SAMD9: variants seen among roughly 807,000 people sequenced by gnomAD.
SAMD9 encodes the protein sterile alpha motif domain containing 9.
In SAMD9, 3 loss-of-function variants were observed where a neutral mutation model predicts 1.5. The observed-to-expected ratio is 2.05, with a 90% CI of 0.93 to 5.29. The LOEUF (loss-of-function observed/expected upper bound fraction) is 5.29. Ranked by LOEUF, SAMD9 falls within the 30% of genes most tolerant of loss-of-function variation. The pLI, the probability that SAMD9 is intolerant of heterozygous loss-of-function variation, is 0.02. For synonymous variants in SAMD9, 635 were observed against 631.9 expected, an observed-to-expected ratio of 1.00 and a Z score of -0.07; for missense variants, 1,597 against 1,820.8, an observed-to-expected ratio of 0.88 and a Z score of 2.24.
chr7:93,113,573 C>A (rs866763670), intron 2 of SAMD9, among the ~76,000 whole-genome samples: 5 of 152,134 alleles, frequency 3.3e-5, no homozygotes, highest in African/African-American at 1.2e-4. Context: ...GGGCTAATAT[C>A]CGGAATCTAT....
rs758821945 is a variant in SAMD9, at chr7:93,103,587, T to C, written c.2511A>G (p.Arg837=). ...TTGCACTTTTTTCAGGATTTTGTGATCTCATACAATTTAGGATAATCACCA... is the reference window on the plus strand; with the variant it reads ...TTGCACTTTTTTCAGGATTTTGTGACCTCATACAATTTAGGATAATCACCA... ...KPLVIILNCM[R]SQNPEKSARI... is the part of the protein sequence containing the mutation. Residue 837 remains arginine, a synonymous_variant, in exon 3 of 3, where the codon AGA becomes AGG. Coordinates refer to ENST00000379958, the MANE Select transcript of SAMD9 (RefSeq NM_017654.4). 3 of 1,613,426 alleles carry C rather than the reference T, an allele frequency of 1.9e-6. No homozygotes were observed. The highest frequency in any genetic ancestry group is 1.3e-5 in the African/African-American group (1 of 74,992).
In SAMD9 at chr7:93,101,530, A is replaced by G. The variant is rs1791527792; in HGVS notation, c.4568T>C (p.Val1523Ala). The G allele has an allele frequency of 1.9e-6, 3 of 1,613,786 alleles. No individual in the cohort carries two copies. In the East Asian group the frequency reaches 6.7e-5, roughly 36 times the overall value. ...QSGDVWKEEK[V>A]QELLLRLQGR... ...TTGTAAACGAAGCAAAAGTTCTTGGACTTTTTCCTCCTTCCACACATCTCC... is the reference window on the plus strand; with the variant it reads ...TTGTAAACGAAGCAAAAGTTCTTGGGCTTTTTCCTCCTTCCACACATCTCC... Residue 1523 changes from valine (V) to alanine (A), a missense_variant, in exon 3 of 3, where the codon GTC (valine) becomes GCC (alanine). Val to Ala is a moderately conservative substitution (Grantham distance 64, BLOSUM62 0). This residue lies in a region of SAMD9 where 682 missense variants were observed against 810.0 expected (regional missense o/e 0.84). Transcript: ENST00000379958.
Position 93,104,442 on chromosome 7 carries a change from T to G in SAMD9, c.1656A>C (p.Pro552=). The G allele has an allele frequency of 6.2e-7, 1 of 1,613,988 alleles. No homozygotes were observed. The highest frequency in any genetic ancestry group is 8.5e-7 in the Non-Finnish European group (1 of 1,179,866). The change falls in exon 3 of 3, where the codon CCA becomes CCC. Residue 552 remains proline, a synonymous_variant. Transcript: ENST00000379958. The part of the protein sequence containing the change: ...VFLLLSSVDD[P]RDPLIETFCA... ...AGAAAGTCTCAATGAGGGGATCTCT[T>G]GGGTCATCCACAGAGGACAGTAATA...
rs751349091 is a variant in SAMD9 at position 93,104,371 on chromosome 7, A to G, written c.1727T>C (p.Ile576Thr). The G allele has an allele frequency of 5.0e-6, 8 of 1,613,932 alleles. No individual in the cohort carries two copies. In the South Asian group the frequency reaches 8.8e-5, roughly 18 times the overall value. Residue 576 changes from isoleucine to threonine, a missense_variant, in exon 3 of 3, where the codon ATT becomes ACT. Physicochemically the swap from Ile to Thr is moderately conservative, Grantham distance 89 (BLOSUM62 -1). Coordinates refer to ENST00000379958, the MANE Select transcript of SAMD9 (RefSeq NM_017654.4). ...CTGAAATATGTGTGGGTGCACACAA[A>G]TACACAGTATATTTTCCATTCCTTT... ...DLKGMENILC[I>T]CVHPHIFQGW...
At position 93,104,348 on chromosome 7, in the gene SAMD9, G is replaced by C; in HGVS notation, c.1750C>G (p.Gln584Glu). The C allele has an allele frequency of 6.2e-7, 1 of 1,613,768 alleles. No individual in the cohort carries two copies. Among genetic ancestry groups the C allele is most frequent in the African/African-American group, 1.3e-5 (1 of 75,028 alleles). Residue 584 changes from glutamine to glutamate, a missense_variant, in exon 3 of 3, where the codon CAG becomes GAG. Gln to Glu is a conservative substitution (Grantham distance 29). Around this residue, in one of 6 missense-constraint regions of SAMD9, gnomAD observed 358 missense variants for 460.4 expected, o/e 0.78. Transcript: ENST00000379958. ...LCICVHPHIF[Q>E]GWKDLLEARL... ...GCTTCAAGTAGATCTTTCCATCCCT[G>C]AAATATGTGTGGGTGCACACAAATA...
intron 2 of SAMD9, among the ~76,000 whole-genome samples, chr7:93,112,492 G>C (rs957936173): frequency 6.6e-6 from 1 of 152,138 alleles, no homozygotes; most frequent in African/African-American, 2.4e-5. Context: ...AGAGTATTCA[G>C]TTAGGAAAAG....
chr7:93,103,965 A>T lies in SAMD9; in HGVS notation c.2133T>A (p.Tyr711Ter). 6.2e-7 allele frequency: 1 copy of T among 1,613,346 alleles called. No homozygotes were observed. Among genetic ancestry groups the T allele is most frequent in the Non-Finnish European group, 8.5e-7 (1 of 1,179,490 alleles). ...TTTGAATCATTGCTTCAAGTCTTTC[A>T]TATTTATCCCTTTTGACAAAAGGTG... ...YSSPFVKRDKYERLEAMIQNC... is the reference protein window; with the variant it reads ...YSSPFVKRDK Residue 711 changes from tyrosine to a stop codon, truncating the protein, a stop_gained, in exon 3 of 3, where the codon TAT becomes TAA. Transcript: ENST00000379958. LOFTEE classifies it low-confidence loss of function (END_TRUNC).
Position 93,102,852 on chromosome 7 carries a change from T to C in SAMD9, c.3246A>G (p.Ala1082=). ...LESIHRFNPN[A]FICQALARHF... ...GTCTTGCCAACGCTTGGCAAATGAA[T>C]GCATTTGGGTTGAACCGATGGATAC... The change falls in exon 3 of 3, where the codon GCA becomes GCG. Residue 1082 remains alanine, a synonymous_variant. Coordinates refer to ENST00000379958, the MANE Select transcript of SAMD9 (RefSeq NM_017654.4). 1 of 1,613,876 alleles carries C rather than the reference T, an allele frequency of 6.2e-7. No homozygotes were observed. The highest frequency in any genetic ancestry group is 8.5e-7 in the Non-Finnish European group (1 of 1,179,802).
chr7:93,107,666 T>C (rs1791668624), intron 2 of SAMD9, among the ~76,000 whole-genome samples: 1 of 152,180 alleles, frequency 6.6e-6, no homozygotes, highest in Non-Finnish European at 1.5e-5. Flanking sequence ...AATATTGTTT[T>C]CTAGTGGCAG....
At position 93,104,886 on chromosome 7, in the gene SAMD9, C is replaced by A. The variant is rs765279964; in HGVS notation, c.1212G>T (p.Leu404Phe). 7 of 1,612,796 alleles carry A rather than the reference C, an allele frequency of 4.3e-6. No homozygotes were observed. The highest frequency in any genetic ancestry group is 8.5e-7 in the Non-Finnish European group (1 of 1,179,312). Residue 404 changes from leucine (L) to phenylalanine (F), a missense_variant, in exon 3 of 3, where the codon TTG becomes TTT. Around this residue, in one of 6 missense-constraint regions of SAMD9, gnomAD observed 358 missense variants for 460.4 expected, o/e 0.78. Coordinates refer to ENST00000379958, the MANE Select transcript of SAMD9 (RefSeq NM_017654.4). Reference protein sequence around the residue: ...LVKLLTGNQDLLDNSYYEQYI... With the variant: ...LVKLLTGNQDFLDNSYYEQYI... ...ACTGTTCATAGTATGAATTATCTAA[C>A]AAATCTTGATTTCCTGTCAATAATT...
intron 2 of SAMD9, 41 bp downstream of exon 2, chr7:93,114,754 A>C (rs1008065453): frequency 6.6e-6 from 1 of 152,210 alleles, no homozygotes; most frequent in African/African-American, 2.4e-5. Flanking sequence ...TAAATTGAAA[A>C]CTGAGATTAA....
At position 93,104,409 on chromosome 7, in the gene SAMD9, G is replaced by A; in HGVS notation, c.1689C>T (p.Phe563=). ...TTTCCATTCCTTTGAGATCCTGGTA[G>A]AAAGCACAGAAAGTCTCAATGAGGG... ...RDPLIETFCA[F]YQDLKGMENI... is the part of the protein sequence containing the mutation. The change falls in exon 3 of 3, where the codon TTC becomes TTT. Residue 563 remains phenylalanine, a synonymous_variant. Coordinates refer to ENST00000379958, the MANE Select transcript of SAMD9 (RefSeq NM_017654.4). 2 of 1,613,950 alleles carry A rather than the reference G, an allele frequency of 1.2e-6. No individual in the cohort carries two copies. The highest frequency in any genetic ancestry group is 1.7e-6 in the Non-Finnish European group (2 of 1,179,878).
chr7:93,112,988 G>A (rs1428626721), intron 2 of SAMD9, among the ~76,000 whole-genome samples: 7 of 152,134 alleles, frequency 4.6e-5, no homozygotes, highest in South Asian at 2.1e-4. Context: ...AAGAGCCCGC[G>A]TTGCCAAGTC....
At position 93,102,569 on chromosome 7, in the gene SAMD9, C is replaced by CTT; in HGVS notation, c.3527_3528dup (p.Val1177LysfsTer2). 1 of 1,613,852 alleles carries CTT rather than the reference C, an allele frequency of 6.2e-7. No individual in the cohort carries two copies. Among genetic ancestry groups the CTT allele is most frequent in the Non-Finnish European group, 8.5e-7 (1 of 1,179,794 alleles). On this transcript the variant is annotated frameshift_variant, in exon 3 of 3. Transcript: ENST00000379958. LOFTEE classifies it low-confidence loss of function (END_TRUNC). ...GACTTCGGATACAATCTTTCCTTCA[C>CTT]TTCATACTCTCTATCTTCACTTTGC...
rs1002606282 is a variant in SAMD9, at chr7:93,103,237, T to C, written c.2861A>G (p.Glu954Gly). 1 of 1,613,806 alleles carries C rather than the reference T, an allele frequency of 6.2e-7. No individual in the cohort carries two copies. Among genetic ancestry groups the C allele is most frequent in the African/African-American group, 1.3e-5 (1 of 75,022 alleles). The change falls in exon 3 of 3, where the codon GAA becomes GGA. Residue 954 changes from glutamate to glycine, a missense_variant. Coordinates refer to ENST00000379958, the MANE Select transcript of SAMD9 (RefSeq NM_017654.4). ...IGNKKAFWGT[E>G]KFEDKMGTYS... Reference sequence around the variant, plus strand: ...GGTGCCCATCTTGTCTTCAAATTTTTCTGTCCCCCAGAAAGCCTTCTTGTT... The same window carrying C: ...GGTGCCCATCTTGTCTTCAAATTTTCCTGTCCCCCAGAAAGCCTTCTTGTT...
Position 93,102,420 on chromosome 7 carries a change from T to G in SAMD9, c.3678A>C (p.Arg1226Ser), listed in dbSNP as rs1791548933. The change falls in exon 3 of 3, where the codon AGA (arginine) becomes AGC (serine). Residue 1226 changes from arginine to serine, a missense_variant. Transcript: ENST00000379958. ...TTCCTGATACAAAATTGACCATATATCTTTTAGATAGCTCATTTTTATTAT... is the reference window on the plus strand; with the variant it reads ...TTCCTGATACAAAATTGACCATATAGCTTTTAGATAGCTCATTTTTATTAT... ...FFDNKNELSK[R>S]YMVNFVSGSS... 6.2e-7 allele frequency: 1 copy of G among 1,613,006 alleles called. No individual in the cohort carries two copies. Among genetic ancestry groups the G allele is most frequent in the Non-Finnish European group, 8.5e-7 (1 of 1,179,134 alleles).
In SAMD9 at chr7:93,106,109, T is replaced by C; in HGVS notation, c.-8-4A>G. 1.3e-6 allele frequency: 2 copies of C among 1,552,352 alleles called. No individual in the cohort carries two copies. The highest frequency in any genetic ancestry group is 1.7e-6 in the Non-Finnish European group (2 of 1,153,088). The stretch of plus-strand genomic sequence containing the variant: ...AGTTGCTTTGCCATTCTGATACCTA[T>C]ATGTAGAAAAAGAAAAATTATTTAG... On this transcript the variant is annotated splice_polypyrimidine_tract_variant and splice_region_variant and intron_variant, in intron 2 of 2. Transcript: ENST00000379958.
rs1234654650 is a variant in SAMD9 at position 93,104,582 on chromosome 7, T to A, written c.1516A>T (p.Lys506Ter). The change falls in exon 3 of 3, where the codon AAA becomes TAA. Residue 506 changes from lysine to a stop codon, truncating the protein, a stop_gained. Coordinates refer to ENST00000379958, the MANE Select transcript of SAMD9 (RefSeq NM_017654.4). LOFTEE classifies it low-confidence loss of function (END_TRUNC). ...TGCCAGGAACTTGGATCAAAGGGTT[T>A]ATATTTTTCACTGTCAAGGTCTAAC... Reference protein sequence around the residue: ...GRLDLDSEKYKPFDPSSWQRE... With the variant: ...GRLDLDSEKY 6.2e-7 allele frequency: 1 copy of A among 1,614,046 alleles called. No individual in the cohort carries two copies. Among genetic ancestry groups the A allele is most frequent in the East Asian group, 2.2e-5 (1 of 44,872 alleles).
rs1212423698 is a variant in SAMD9 at position 93,105,940 on chromosome 7, T to A, written c.158A>T (p.His53Leu). The part of the protein sequence containing the change: ...GAVLKWLKKE[H>L]LVDMGITHGP... ...ATGTGTGATGCCCATATCAACAAGA[T>A]GTTCTTTTTTTAACCACTTCAAGAC... Residue 53 changes from histidine to leucine, a missense_variant, in exon 3 of 3, where the codon CAT becomes CTT. By Grantham distance (99) the His-to-Leu change is moderately conservative. This residue lies in a region of SAMD9 where 498 missense variants were observed against 457.4 expected (regional missense o/e 1.09). Transcript: ENST00000379958. 3.1e-6 allele frequency: 5 copies of A among 1,612,020 alleles called. No individual in the cohort carries two copies. In the African/African-American group the frequency reaches 5.4e-5, roughly 17 times the overall value.
Sources: allele counts gnomAD v4.1 joint callset (sites outside exome capture counted in the v4.1 genomes callset), GRCh38; gene constraint gnomAD v4.1.1; regional missense constraint gnomAD v4.1.1; transcripts MANE v1.5; gene names NCBI Gene and HGNC (gene_info 2026-07-23, HGNC 2026-07-21).